GRIA4: variants seen among roughly 807,000 people sequenced by gnomAD.
The protein encoded by GRIA4 is glutamate receptor 4.
A neutral mutation model predicts 104.0 loss-of-function variants in GRIA4; 34 were observed. That is an observed-to-expected ratio of 0.33 (90% CI 0.25 to 0.44). GRIA4 has a LOEUF of 0.44. GRIA4 is among the 20% of genes least tolerant of loss of function. The pLI, the probability that GRIA4 is intolerant of heterozygous loss-of-function variation, is 1.00. For synonymous variants in GRIA4, 386 were observed against 381.9 expected (o/e 1.01, Z -0.13); for missense variants, 750 against 1,096.5 (o/e 0.68, Z 4.46).
At chr11:105,931,977 A>C (rs1318381658) in intron 13 of GRIA4, among the ~76,000 whole-genome samples, 1 of 152,082 alleles carries the variant, frequency 6.6e-6, no homozygotes, top group South Asian at 2.1e-4. Flanking sequence ...AGGAAGCTCA[A>C]TGTAAATAAA....
At chr11:105,801,265 G>A (rs1206327616) in intron 4 of GRIA4, among the ~76,000 whole-genome samples, 2 of 151,544 alleles carry the variant, frequency 1.3e-5, no homozygotes, top group Non-Finnish European at 3.0e-5. Context: ...ATTTAAGTAT[G>A]TGTGAAAAAT....
intron 3 of GRIA4, among the ~76,000 whole-genome samples, chr11:105,747,873 C>T (rs1010045944): frequency 6.6e-6 from 1 of 152,142 alleles, no homozygotes; most frequent in African/African-American, 2.4e-5. Flanking sequence ...ATATTAAGCT[C>T]AACCAAAATG....
intron 3 of GRIA4, among the ~76,000 whole-genome samples, chr11:105,730,255 A>G (rs1938502339): frequency 6.6e-6 from 1 of 152,208 alleles, no homozygotes; most frequent in South Asian, 2.1e-4. Flanking sequence ...AGTGAGCCAA[A>G]TAATGAGCTA....
chr11:105,769,682 T>C (rs185889900), intron 4 of GRIA4, among the ~76,000 whole-genome samples: 22 of 152,132 alleles, frequency 1.4e-4, no homozygotes, highest in Admixed American at 1.4e-3. Flanking sequence ...TTCAGAATTA[T>C]AACACTAAAG....
chr11:105,904,314 T>C (rs999901457), intron 8 of GRIA4, among the ~76,000 whole-genome samples: 3 of 152,186 alleles, frequency 2.0e-5, no homozygotes, highest in Admixed American at 6.5e-5. Flanking sequence ...CTCGAGGACG[T>C]AGGCTTGCAG....
At chr11:105,919,807 C>T (rs919606670) in intron 11 of GRIA4, among the ~76,000 whole-genome samples, 29 of 152,190 alleles carry the variant, frequency 1.9e-4, no homozygotes, top group African/African-American at 7.0e-4. Flanking sequence ...AACACATACT[C>T]GAAATGTAAT....
chr11:105,747,673 G>C (rs1033431079), intron 3 of GRIA4, among the ~76,000 whole-genome samples: 5 of 152,240 alleles, frequency 3.3e-5, no homozygotes, highest in Admixed American at 6.5e-5. Flanking sequence ...ACTATTGGGA[G>C]AGATGTGTAT....
chr11:105,775,405 A>G (rs1338576285), intron 4 of GRIA4, among the ~76,000 whole-genome samples: 1 of 152,196 alleles, frequency 6.6e-6, no homozygotes, highest in African/African-American at 2.4e-5. Flanking sequence ...CATGCTAAAG[A>G]TACTATATAT....
chr11:105,638,439 C>G (rs1021754749), intron 3 of GRIA4, among the ~76,000 whole-genome samples: 1 of 152,064 alleles, frequency 6.6e-6, no homozygotes, highest in South Asian at 2.1e-4. Context: ...GTAAGTAATA[C>G]GTACATCACT....
intron 3 of GRIA4, among the ~76,000 whole-genome samples, chr11:105,638,437 T>G (rs1313248149): frequency 6.6e-6 from 1 of 152,152 alleles, no homozygotes; most frequent in Non-Finnish European, 1.5e-5. Context: ...CCGTAAGTAA[T>G]ACGTACATCA....
intron 14 of GRIA4, among the ~76,000 whole-genome samples, chr11:105,969,658 C>A (rs1211981193): frequency 6.6e-6 from 1 of 152,260 alleles, no homozygotes; most frequent in Admixed American, 6.5e-5. Flanking sequence ...CTGAGTCCTC[C>A]TCCTCCCAGC....
rs1331895563 is a variant in GRIA4 at position 105,753,164 on chromosome 11, G to A, written c.431G>A (p.Ser144Asn). The A allele has an allele frequency of 6.2e-7, 1 of 1,613,654 alleles. No homozygotes were observed. The highest frequency in any genetic ancestry group is 1.3e-5 in the African/African-American group (1 of 74,892). ...CCTTCGTTACGAGGAGCACTCTTGA[G>A]TTTGCTGGATCACTACGAATGGAAC... ...LRPSLRGALLSLLDHYEWNCF... is the reference protein window; with the variant it reads ...LRPSLRGALLNLLDHYEWNCF... The change falls in exon 4 of 17, where the codon AGT becomes AAT. Residue 144 changes from serine (S) to asparagine (N), a missense_variant. This residue lies in a region of GRIA4 where 410 missense variants were observed against 502.7 expected (regional missense o/e 0.82). Transcript: ENST00000282499.
At chr11:105,783,403 T>C (rs1479821854) in intron 4 of GRIA4, among the ~76,000 whole-genome samples, 1 of 152,224 alleles carries the variant, frequency 6.6e-6, no homozygotes, top group East Asian at 1.9e-4. Flanking sequence ...CCCACACAGC[T>C]GTTACACTGG....
Position 105,612,460 on chromosome 11 carries a change from A to C in GRIA4, c.247+26A>C, listed in dbSNP as rs117866514. 94 of 1,603,456 alleles carry C rather than the reference A, an allele frequency of 5.9e-5. No homozygotes were observed. The East Asian group carries it at 2.1e-3, about 36-fold the overall frequency. On this transcript the variant is annotated intron_variant, in intron 3 of 16. Coordinates refer to ENST00000282499, the MANE Select transcript of GRIA4 (RefSeq NM_000829.4). ...GTAAGTAAAACATAAGCTATGAAAA[A>C]TTAGAAGAGAACTGAAACCAAGCAA...
At chr11:105,610,830 C>CGAAA (rs1950452186) in intron 1 of GRIA4, 78 bp from the exon 2 acceptor site, 1 of 593,282 alleles carries the variant, frequency 1.7e-6, no homozygotes, top group African/African-American at 1.9e-5. Flanking sequence ...CTTAAACCAC[C>CGAAA]GAAACCTCTT....
intron 16 of GRIA4, among the ~76,000 whole-genome samples, chr11:105,975,249 A>G (rs1858916972): frequency 6.6e-6 from 1 of 152,190 alleles, no homozygotes; most frequent in Non-Finnish European, 1.5e-5. Flanking sequence ...GTAAATAGAC[A>G]TTTTAGGCAA....
chr11:105,660,823 T>C (rs1375437139), intron 3 of GRIA4, among the ~76,000 whole-genome samples: 2 of 151,640 alleles, frequency 1.3e-5, no homozygotes, highest in African/African-American at 4.8e-5. Flanking sequence ...ACAATTGCAG[T>C]CATTTGATAC....
Position 105,924,724 on chromosome 11 carries a change from T to C in GRIA4, c.1802T>C (p.Phe601Ser). 3 of 1,612,162 alleles carry C rather than the reference T, an allele frequency of 1.9e-6. No homozygotes were observed. Among genetic ancestry groups the C allele is most frequent in the Non-Finnish European group, 2.5e-6 (3 of 1,178,742 alleles). Residue 601 changes from phenylalanine to serine, a missense_variant, in exon 12 of 17, where the codon TTT becomes TCT. By Grantham distance (155) the Phe-to-Ser change is radical. Around this residue, in one of 3 missense-constraint regions of GRIA4, gnomAD observed 272 missense variants for 524.5 expected, o/e 0.52. Transcript: ENST00000282499. ...NEFGIFNSLW[F>S]SLGAFMQQGC... ...TTTGGCATCTTTAACAGCCTCTGGT[T>C]TTCCCTGGGTGCTTTTATGCAGCAA...
At chr11:105,625,780 T>C (rs924723807) in intron 3 of GRIA4, among the ~76,000 whole-genome samples, 9 of 152,100 alleles carry the variant, frequency 5.9e-5, no homozygotes, top group African/African-American at 2.2e-4. Flanking sequence ...TTGGTTCCTG[T>C]TAAGTCTATG....
Sources: allele counts gnomAD v4.1 joint callset (sites outside exome capture counted in the v4.1 genomes callset), GRCh38; gene constraint gnomAD v4.1.1; regional missense constraint gnomAD v4.1.1; transcripts MANE v1.5; gene names NCBI Gene and HGNC (gene_info 2026-07-23, HGNC 2026-07-21).